Variants in SERPINB8 observed in about 807,000 individuals in gnomAD.
SERPINB8 encodes the protein serpin B8.
A neutral mutation model predicts 35.3 loss-of-function variants in SERPINB8; 25 were observed. The ratio of observed to expected loss-of-function variants is 0.71; its 90% confidence interval spans 0.52 to 0.99. The LOEUF (loss-of-function observed/expected upper bound fraction) is 0.99, where lower values mean the gene tolerates loss of function less well. Ranked by LOEUF, SERPINB8 falls within the 50% of genes least tolerant of loss-of-function variation. SERPINB8 has a pLI of 0.00. For synonymous variants in SERPINB8, 186 were observed against 160.8 expected (o/e 1.16, Z -1.19); for missense variants, 484 against 446.5 (o/e 1.08, Z -0.76).
At chr18:63,973,956 T>C (rs1275636774) in intron 1 of SERPINB8, among the ~76,000 whole-genome samples, 2 of 152,188 alleles carry the variant, frequency 1.3e-5, no homozygotes, top group African/African-American at 4.8e-5. Flanking sequence ...CTTAGGATTG[T>C]CTTGGCAATG....
At chr18:63,978,552 T>C (rs1599137697) in intron 2 of SERPINB8, 76 bp downstream of exon 2, 2 of 1,550,388 alleles carry the variant, frequency 1.3e-6, no homozygotes, top group Non-Finnish European at 1.8e-6. Context: ...TTCTGTACTT[T>C]TGCTCTAGCT....
At chr18:64,008,776 C>T (rs1047129312), downstream of SERPINB8, among the ~76,000 whole-genome samples, 4 of 152,082 alleles carry the variant, frequency 2.6e-5, no homozygotes, top group African/African-American at 9.7e-5. Flanking sequence ...ATGCAAATCA[C>T]GATAGGCCAT....
downstream of SERPINB8, among the ~76,000 whole-genome samples, chr18:64,006,093 G>T (rs2050898804): frequency 6.6e-6 from 1 of 152,178 alleles, no homozygotes; most frequent in African/African-American, 2.4e-5. Flanking sequence ...AAGGAACAGA[G>T]AAATCATCGA....
chr18:63,979,456 T>G lies in SERPINB8; in HGVS notation c.169-345T>G, dbSNP rs372443540. On this transcript the variant is annotated intron_variant, in intron 2 of 6. Coordinates refer to ENST00000397985, the MANE Select transcript of SERPINB8 (RefSeq NM_002640.4). Reference sequence around the variant, plus strand: ...TGCTAGACTAGTGGTTCTCACCTGGTGGGTGGGAGGTAGGGGTCGGTGGGT... The same window carrying G: ...TGCTAGACTAGTGGTTCTCACCTGGGGGGTGGGAGGTAGGGGTCGGTGGGT... Among the ~76,000 whole-genome samples, 71 of 152,246 alleles carry G rather than the reference T, an allele frequency of 4.7e-4. 1 individual carries two copies. Among genetic ancestry groups the G allele is most frequent in the African/African-American group, 1.6e-3 (66 of 41,548 alleles).
intron 6 of SERPINB8, chr18:63,986,379 C>G (rs977745111): frequency 1.1e-5 from 17 of 1,561,268 alleles, no homozygotes; most frequent in Non-Finnish European, 1.4e-5. Context: ...TCTCATGCCT[C>G]CCTTCATCTT....
At chr18:63,985,348 A>T in intron 6 of SERPINB8, 103 bp downstream of exon 6, 1 of 1,295,084 alleles carries the variant, frequency 7.7e-7, no homozygotes, top group South Asian at 1.4e-5. Flanking sequence ...AGTTGGGGTT[A>T]TTACAGGCAG....
At chr18:63,999,094 C>T (rs1198600085) in intron 1 of SERPINB8, among the ~76,000 whole-genome samples, 7 of 152,190 alleles carry the variant, frequency 4.6e-5, no homozygotes, top group Non-Finnish European at 8.8e-5. Context: ...ACCTTTGGTC[C>T]TGTGAACTCA....
At chr18:63,980,497 T>C (rs2050653601) in intron 3 of SERPINB8, among the ~76,000 whole-genome samples, 2 of 151,948 alleles carry the variant, frequency 1.3e-5, no homozygotes, top group South Asian at 4.2e-4. Context: ...CAGGGTGATG[T>C]TGTCTTAAAA....
chr18:63,974,285 T>C (rs2050545171), intron 1 of SERPINB8, among the ~76,000 whole-genome samples: 1 of 152,210 alleles, frequency 6.6e-6, no homozygotes, highest in Non-Finnish European at 1.5e-5. Context: ...GGGCAGTGAT[T>C]AACGCATTTA....
exon 8 of SERPINB8, chr18:64,019,277 C>T (rs1403607388): frequency 6.5e-6 from 1 of 152,730 alleles, no homozygotes; most frequent in African/African-American, 2.4e-5. Flanking sequence ...TTACTCTTGC[C>T]TCCTGCATCC....
chr18:63,985,259 A>C lies in SERPINB8; in HGVS notation c.720+14A>C. 6.2e-7 allele frequency: 1 copy of C among 1,613,658 alleles called. No individual in the cohort carries two copies. Among genetic ancestry groups the C allele is most frequent in the Non-Finnish European group, 8.5e-7 (1 of 1,179,766 alleles). ...GACCTCGCCGTGGTAAGCTCCAGGCAATGAGCCTGAGTATCTGTGGAGTCC... is the reference window on the plus strand; with the variant it reads ...GACCTCGCCGTGGTAAGCTCCAGGCCATGAGCCTGAGTATCTGTGGAGTCC... On this transcript the variant is annotated intron_variant, in intron 6 of 6. Transcript: ENST00000397985.
At chr18:63,986,650 C>T (rs963125046) in intron 6 of SERPINB8, 2 of 1,334,662 alleles carry the variant, frequency 1.5e-6, no homozygotes, top group East Asian at 5.7e-5. Context: ...TTCTGCCTGT[C>T]TCAGGTGTTT....
chr18:63,979,815 C>G lies in SERPINB8; in HGVS notation c.183C>G (p.Tyr61Ter), dbSNP rs775269883. Residue 61 changes from tyrosine to a stop codon, truncating the protein, a stop_gained, in exon 3 of 7, where the codon TAC becomes TAG. Coordinates refer to ENST00000397985, the MANE Select transcript of SERPINB8 (RefSeq NM_002640.4). LOFTEE classifies it high-confidence loss of function. ...AAQMSQALCL[Y>*]KDGDIHRGFQ... is the part of the protein sequence containing the mutation. ...TCTGTTCCCAGGCACTTTGTTTATA[C>G]AAAGACGGAGATATTCACCGAGGTT... 7 of 1,613,954 alleles carry G rather than the reference C, an allele frequency of 4.3e-6. No individual in the cohort carries two copies. Among genetic ancestry groups the G allele is most frequent in the Admixed American group, 1.7e-5 (1 of 59,994 alleles).
intron 1 of SERPINB8, among the ~76,000 whole-genome samples, chr18:63,971,983 C>T (rs544604878): frequency 1.4e-4 from 21 of 148,312 alleles, no homozygotes; most frequent in Middle Eastern, 3.6e-3. Context: ...AATGCCTGCC[C>T]GGCTTTTCTT....
At chr18:63,982,610 A>AGCC (rs1334378573) in intron 4 of SERPINB8, among the ~76,000 whole-genome samples, 2 of 152,182 alleles carry the variant, frequency 1.3e-5, no homozygotes, top group Non-Finnish European at 2.9e-5. Flanking sequence ...TTCTACTGAA[A>AGCC]GCCAATACAA....
rs376801000 is a variant in SERPINB8, at chr18:63,987,034, A to C, written c.881A>C (p.Glu294Ala). 1.2e-5 allele frequency: 20 copies of C among 1,614,118 alleles called. No individual in the cohort carries two copies. The African/African-American group carries it at 2.0e-4, about 16-fold the overall frequency. ...TTAGGAATGATCGATGCTTTTGACG[A>C]AGCCAAGGCAGACTTTTCTGGAATG... ...RRLGMIDAFDEAKADFSGMST... is the reference protein window; with the variant it reads ...RRLGMIDAFDAAKADFSGMST... Residue 294 changes from glutamate to alanine, a missense_variant, in exon 7 of 7, where the codon GAA (glutamate) becomes GCA (alanine). Transcript: ENST00000397985.
At chr18:64,011,592 A>ATT (rs2050926150) in intron 7 of SERPINB8, among the ~76,000 whole-genome samples, 1 of 152,108 alleles carries the variant, frequency 6.6e-6, no homozygotes, top group Non-Finnish European at 1.5e-5. Context: ...TGGTGCCTAT[A>ATT]TTGTTGTCAC....
Position 63,970,127 on chromosome 18 carries a change from A to AGCAGCGGCG in SERPINB8, c.-51_-43dup, listed in dbSNP as rs1555711047. ...TCTACAAAGGAGGAATAGTCAAAGC[A>AGCAGCGGCG]GCAGCGGCGGCGGCGGCGGCGGCAG... On this transcript the variant is annotated 5_prime_UTR_variant, in exon 1 of 7. Transcript: ENST00000397985. 14 of 319,920 alleles carry AGCAGCGGCG rather than the reference A, an allele frequency of 4.4e-5. No homozygotes were observed. The highest frequency in any genetic ancestry group is 4.2e-4 in the Admixed American group (10 of 23,994). The allele number at this position is 319,920 out of a possible 1,614,324, so 19.8% of individuals were successfully genotyped here.
intron 1 of SERPINB8, among the ~76,000 whole-genome samples, chr18:63,973,954 T>G (rs1187527944): frequency 6.6e-6 from 1 of 152,238 alleles, no homozygotes; most frequent in Non-Finnish European, 1.5e-5. Flanking sequence ...TGCTTAGGAT[T>G]GTCTTGGCAA....
Sources: allele counts gnomAD v4.1 joint callset (sites outside exome capture counted in the v4.1 genomes callset), GRCh38; gene constraint gnomAD v4.1.1; transcripts MANE v1.5; gene names NCBI Gene and HGNC (gene_info 2026-07-23, HGNC 2026-07-21).